RIT1: variants seen among roughly 807,000 people sequenced by gnomAD.
RIT1 encodes Ras like without CAAX 1.
A neutral mutation model predicts 25.6 loss-of-function variants in RIT1; 6 were observed. That is an observed-to-expected ratio of 0.23 (90% CI 0.13 to 0.46). The LOEUF (loss-of-function observed/expected upper bound fraction) is 0.46, where lower values mean the gene tolerates loss of function less well. Ranked by LOEUF, RIT1 falls within the 20% of genes least tolerant of loss-of-function variation. RIT1 has a pLI of 0.99. For synonymous variants in RIT1, 81 were observed against 94.1 expected, an observed-to-expected ratio of 0.86 and a Z score of 0.80; for missense variants, 219 against 284.4, an observed-to-expected ratio of 0.77 and a Z score of 1.65.
intron 3 of RIT1, among the ~76,000 whole-genome samples, chr1:155,909,058 G>A (rs1571998073): frequency 6.6e-6 from 1 of 151,952 alleles, no homozygotes; most frequent in African/African-American, 2.4e-5. Flanking sequence ...AGAGAACTAG[G>A]ATCATGGCAA....
At chr1:155,907,238 T>C (rs12037177) in intron 3 of RIT1, among the ~76,000 whole-genome samples, 41,938 of 147,908 alleles carry the variant, frequency 0.28, 6,795 homozygotes, top group East Asian at 0.75. Context: ...CACATTCATA[T>C]GCTTTTTTTT....
chr1:155,903,113 C>A (rs1033593769), intron 5 of RIT1, among the ~76,000 whole-genome samples: 1 of 151,824 alleles, frequency 6.6e-6, no homozygotes, highest in Non-Finnish European at 1.5e-5. Flanking sequence ...CTGGCTAACA[C>A]GGTGAAACCC....
rs746676661 is a variant in RIT1 at position 155,900,367 on chromosome 1, T to A, written c.*21A>T. 1 of 1,583,894 alleles carries A rather than the reference T, an allele frequency of 6.3e-7. No individual in the cohort carries two copies. The highest frequency in any genetic ancestry group is 2.2e-5 in the East Asian group (1 of 44,756). On this transcript the variant is annotated 3_prime_UTR_variant, in exon 6 of 6. Transcript: ENST00000368323. ...TTGATACAGCACTGCAGTTCACAGA[T>A]AAACACTTCACATCTTCTCTTCAAG...
intron 5 of RIT1, among the ~76,000 whole-genome samples, chr1:155,901,028 TG>T (rs1210139655): frequency 1.3e-5 from 2 of 152,172 alleles, no homozygotes; most frequent in Admixed American, 6.5e-5. Flanking sequence ...TTGGTCAGGC[TG>T]GTTGTAAACT....
chr1:155,904,597 G>A (rs761024934), intron 4 of RIT1, 95 bp from the exon 5 acceptor site: 15 of 1,268,038 alleles, frequency 1.2e-5, no homozygotes, highest in Non-Finnish European at 1.6e-5. Context: ...AACGCATGTC[G>A]ATTACCTGCT....
intron 3 of RIT1, among the ~76,000 whole-genome samples, chr1:155,907,240 C>CTTTTTT (rs773275927): frequency 7.2e-6 from 1 of 139,074 alleles, no homozygotes. Flanking sequence ...CATTCATATG[C>CTTTTTT]TTTTTTTTTT....
rs1316955132 is a variant in RIT1 at position 155,911,342 on chromosome 1, C to T, written c.-143G>A. 5.7e-6 allele frequency: 1 copy of T among 175,788 alleles called. No individual in the cohort carries two copies. The allele number at this position is 175,788 out of a possible 1,614,324, so 10.9% of individuals were successfully genotyped here. A position where few individuals can be genotyped will look rare whatever the true frequency, so the allele number is the denominator to read the frequency against. ...TCGTCTTCCTTCACTCGCGGAGGCTCCGGCACTGACCTGTGACCCCTCCCG... is the reference window on the plus strand; with the variant it reads ...TCGTCTTCCTTCACTCGCGGAGGCTTCGGCACTGACCTGTGACCCCTCCCG... On this transcript the variant is annotated 5_prime_UTR_variant, in exon 1 of 6. Coordinates refer to ENST00000368323, the MANE Select transcript of RIT1 (RefSeq NM_006912.6).
chr1:155,907,887 G>A (rs1213513932), intron 3 of RIT1, among the ~76,000 whole-genome samples: 1 of 151,620 alleles, frequency 6.6e-6, no homozygotes, highest in Non-Finnish European at 1.5e-5. Context: ...TCAGGAGATC[G>A]AGACCATCCT....
At chr1:155,905,388 T>C (rs1196870774) in intron 3 of RIT1, among the ~76,000 whole-genome samples, 3 of 151,906 alleles carry the variant, frequency 2.0e-5, no homozygotes, top group Non-Finnish European at 2.9e-5. Context: ...TTGGTAGACA[T>C]AGGATTTTGC....
In RIT1 at chr1:155,900,379, ATCTTC is replaced by A. The variant is rs777195602; in HGVS notation, c.*4_*8del. The A allele has an allele frequency of 1.1e-5, 17 of 1,602,184 alleles. No individual in the cohort carries two copies. Among genetic ancestry groups the A allele is most frequent in the Non-Finnish European group, 1.1e-5 (13 of 1,169,420 alleles). On this transcript the variant is annotated 3_prime_UTR_variant, in exon 6 of 6. Transcript: ENST00000368323. Reference sequence around the variant, plus strand: ...TGCAGTTCACAGATAAACACTTCACATCTTCTCTTCAAGTTACTGAATCTTTCTTC... The same window carrying A: ...TGCAGTTCACAGATAAACACTTCACATCTTCAAGTTACTGAATCTTTCTTC...
rs1370802230 is a variant in RIT1, at chr1:155,898,773, A to G, written c.*1615T>C. On this transcript the variant is annotated 3_prime_UTR_variant, in exon 6 of 6. Coordinates refer to ENST00000368323, the MANE Select transcript of RIT1 (RefSeq NM_006912.6). Reference sequence around the variant, plus strand: ...ACTTTTGGATGGCTGAGTACCATAAAACATGATTTATTTGGTAACAAAAAT... The same window carrying G: ...ACTTTTGGATGGCTGAGTACCATAAGACATGATTTATTTGGTAACAAAAAT... 2 of 192,044 alleles carry G rather than the reference A, an allele frequency of 1.0e-5. No homozygotes were observed. The highest frequency in any genetic ancestry group is 2.2e-5 in the Non-Finnish European group (2 of 91,824). 11.9% of individuals were successfully genotyped at this position (192,044 alleles called of 1,614,324 possible).
In RIT1 at chr1:155,910,769, T is replaced by C. The variant is rs764174304; in HGVS notation, c.-8A>G. ...GCGAGTTCCAGAATCCATTGTCCTC[T>C]TGGGGCCTTCCTCGGTTGCCCCGAG... On this transcript the variant is annotated 5_prime_UTR_variant, in exon 2 of 6. Transcript: ENST00000368323. 5 of 1,614,110 alleles carry C rather than the reference T, an allele frequency of 3.1e-6. No individual in the cohort carries two copies. The African/African-American group carries it at 4.0e-5, about 13-fold the overall frequency.
At chr1:155,901,945 A>G (rs1004781069) in intron 5 of RIT1, among the ~76,000 whole-genome samples, 2 of 152,124 alleles carry the variant, frequency 1.3e-5, no homozygotes, top group Admixed American at 1.3e-4. Flanking sequence ...GTGAAACCCC[A>G]TCTCTACTAA....
intron 1 of RIT1, 73 bp from the exon 2 acceptor site, chr1:155,910,877 C>T (rs1673582782): frequency 6.3e-7 from 1 of 1,585,630 alleles, no homozygotes. Context: ...CAGTGCCTTA[C>T]CTTTCCATAC....
rs145897907 is a variant in RIT1 at position 155,909,631 on chromosome 1, A to T, written c.163+819T>A. Reference sequence around the variant, plus strand: ...CAACAAGAGTTAAGGACCATAAAAGACATCGGAGGGCTAGGCACAGTGGCT... The same window carrying T: ...CAACAAGAGTTAAGGACCATAAAAGTCATCGGAGGGCTAGGCACAGTGGCT... On this transcript the variant is annotated intron_variant, in intron 3 of 5. Coordinates refer to ENST00000368323, the MANE Select transcript of RIT1 (RefSeq NM_006912.6). Among the ~76,000 whole-genome samples, 668 of 152,260 alleles carry T rather than the reference A, an allele frequency of 4.4e-3. 4 individuals are homozygous for T. The highest frequency in any genetic ancestry group is 0.013 in the South Asian group (62 of 4,824).
intron 5 of RIT1, among the ~76,000 whole-genome samples, chr1:155,903,117 GA>G (rs1393754843): frequency 3.3e-5 from 5 of 152,074 alleles, no homozygotes; most frequent in African/African-American, 4.8e-5. Flanking sequence ...CTAACACGGT[GA>G]AACCCCATCT....
At chr1:155,902,589 C>T (rs1673334004) in intron 5 of RIT1, among the ~76,000 whole-genome samples, 1 of 151,782 alleles carries the variant, frequency 6.6e-6, no homozygotes, top group Non-Finnish European at 1.5e-5. Flanking sequence ...CATCTATAAT[C>T]CCAGCACTTT....
Position 155,900,498 on chromosome 1 carries a change from T to C in RIT1, c.550A>G (p.Arg184Gly). Residue 184 changes from arginine to glycine, a missense_variant, in exon 6 of 6, where the codon AGG becomes GGG. Coordinates refer to ENST00000368323, the MANE Select transcript of RIT1 (RefSeq NM_006912.6). ...GCCAGTACTGCCTCCTTTTCTTTCC[T>C]ACGTATCTCCCGTACAAGGGCATGG... ...VFHALVREIR[R>G]KEKEAVLAME... The C allele has an allele frequency of 2.5e-6, 4 of 1,614,166 alleles. No individual in the cohort carries two copies. Among genetic ancestry groups the C allele is most frequent in the Non-Finnish European group, 3.4e-6 (4 of 1,180,016 alleles).
In RIT1 at chr1:155,903,452, C is replaced by CAAAA. The variant is rs1192641376; in HGVS notation, c.429+855_429+858dup. 5.3e-3 allele frequency among the ~76,000 whole-genome samples: 268 copies of CAAAA among 50,372 alleles called. 1 individual carries two copies. Among genetic ancestry groups the CAAAA allele is most frequent in the Non-Finnish European group, 6.7e-3 (176 of 26,436 alleles). 33.0% of individuals were successfully genotyped at this position (50,372 alleles called of 152,430 possible). A position where few individuals can be genotyped will look rare whatever the true frequency, so the allele number is the denominator to read the frequency against. On this transcript the variant is annotated intron_variant, in intron 5 of 5. Coordinates refer to ENST00000368323, the MANE Select transcript of RIT1 (RefSeq NM_006912.6). ...AAGGCAACAGAGTGAGACTCTGTCT[C>CAAAA]AAAAAAAAAAAAAAAAAAAAAAGAA...
Sources: gnomAD v4.1 joint callset for allele counts (sites outside exome capture counted in the v4.1 genomes callset) on GRCh38, gnomAD v4.1.1 for gene constraint, MANE v1.5 for transcripts, NCBI Gene and HGNC (gene_info 2026-07-23, HGNC 2026-07-21) for gene names.